IL7: variants seen among roughly 807,000 people sequenced by gnomAD.
IL7 encodes interleukin 7, also known as interleukin-7.
In IL7, 3 loss-of-function variants were observed where a neutral mutation model predicts 21.6. The observed-to-expected ratio is 0.14, with a 90% CI of 0.06 to 0.36. The LOEUF (loss-of-function observed/expected upper bound fraction) is 0.36, where lower values mean the gene tolerates loss of function less well. IL7 is among the 10% of genes least tolerant of loss of function. The pLI is 1.00. For synonymous variants in IL7, 62 were observed against 68.1 expected, an observed-to-expected ratio of 0.91 and a Z score of 0.44; for missense variants, 175 against 200.2, an observed-to-expected ratio of 0.87 and a Z score of 0.76.
chr8:78,801,073 T>C (rs1377632437), intron 1 of IL7, among the ~76,000 whole-genome samples: 3 of 152,228 alleles, frequency 2.0e-5, no homozygotes, highest in Non-Finnish European at 4.4e-5. Flanking sequence ...TTTTGTATAT[T>C]ACACGTACTT....
At chr8:78,762,491 C>T (rs1812602684) in intron 2 of IL7, 1 of 1,363,844 alleles carries the variant, frequency 7.3e-7, no homozygotes, top group Admixed American at 2.8e-5. Flanking sequence ...GGCAGTCCGC[C>T]CGCCCGTCGG....
downstream of IL7, chr8:78,717,503 CAAAA>C: frequency 4.0e-6 from 5 of 1,256,592 alleles, no homozygotes; most frequent in South Asian, 2.0e-5. Context: ...AATAGAATCT[CAAAA>C]AAAAAAAAAA....
intron 3 of IL7, 83 bp from the exon 4 acceptor site, chr8:78,738,718 G>C (rs1811678993): frequency 7.5e-7 from 1 of 1,325,926 alleles, no homozygotes; most frequent in African/African-American, 1.5e-5. Flanking sequence ...CCTAGAGCTT[G>C]AGCTATGTTG....
intron 2 of IL7, among the ~76,000 whole-genome samples, chr8:78,757,107 A>AT (rs1000116233): frequency 1.3e-5 from 2 of 151,010 alleles, no homozygotes; most frequent in East Asian, 1.9e-4. Flanking sequence ...TTTGTTTCAG[A>AT]TTTTTTTTCA....
chr8:78,701,726 C>T (rs767211658), intron 3 of IL7, among the ~76,000 whole-genome samples: 1 of 152,116 alleles, frequency 6.6e-6, no homozygotes, highest in African/African-American at 2.4e-5. Context: ...TATTGAAAAC[C>T]TTTTCGTCAT....
At chr8:78,797,813 T>G (rs11984529) in intron 2 of IL7, 4,416 of 289,376 alleles carry the variant, frequency 0.015, 182 homozygotes, top group African/African-American at 0.088. Context: ...TGAATTATGC[T>G]TACAAGAAAT....
At chr8:78,741,686 T>C (rs1272668636) in intron 2 of IL7, among the ~76,000 whole-genome samples, 5 of 152,218 alleles carry the variant, frequency 3.3e-5, no homozygotes, top group Admixed American at 3.3e-4. Flanking sequence ...AGTTGATTAT[T>C]TTTTACCTAA....
At chr8:78,737,259 G>T (rs1811626267) in intron 4 of IL7, among the ~76,000 whole-genome samples, 1 of 152,086 alleles carries the variant, frequency 6.6e-6, no homozygotes, top group African/African-American at 2.4e-5. Context: ...TGAACCAAGA[G>T]TGGAGGCTTA....
chr8:78,708,766 C>T (rs1251460135), intron 3 of IL7, among the ~76,000 whole-genome samples: 5 of 151,168 alleles, frequency 3.3e-5, no homozygotes, highest in East Asian at 3.9e-4. Context: ...CCGTAACCTC[C>T]GCCTCCTGGA....
At chr8:78,675,184 G>C (rs547757107), downstream of IL7, among the ~76,000 whole-genome samples, 189 of 150,732 alleles carry the variant, frequency 1.3e-3, no homozygotes, top group African/African-American at 4.5e-3. Context: ...ATTTAATTTT[G>C]TTTGTAAGGT....
chr8:78,738,995 G>A (rs1231467384), intron 3 of IL7, among the ~76,000 whole-genome samples: 3 of 152,084 alleles, frequency 2.0e-5, no homozygotes, highest in Non-Finnish European at 4.4e-5. Context: ...TATTATAAGA[G>A]GTATGTGTGG....
chr8:78,753,392 CA>C (rs1302536626), intron 2 of IL7, among the ~76,000 whole-genome samples: 2 of 152,166 alleles, frequency 1.3e-5, no homozygotes, highest in Admixed American at 1.3e-4. Context: ...AGTGTCTGTT[CA>C]TATCCTTTGC....
chr8:78,689,404 G>A (rs200077086), intron 3 of IL7: 368 of 1,526,246 alleles, frequency 2.4e-4, no homozygotes, highest in Non-Finnish European at 2.9e-4. Context: ...TGCTATAAAC[G>A]AGAAAATGGC....
chr8:78,717,641 A>G (rs1811149023), downstream of IL7: 3 of 823,982 alleles, frequency 3.6e-6, no homozygotes, highest in South Asian at 3.9e-5. Flanking sequence ...TTTTGGCTAT[A>G]TAATGTGTGT....
downstream of IL7, chr8:78,715,198 A>G (rs1563641467): frequency 1.2e-6 from 2 of 1,602,838 alleles, no homozygotes; most frequent in South Asian, 1.1e-5. Flanking sequence ...ATACTTTTCC[A>G]TTATTTTTCC....
At chr8:78,727,421 C>T (rs1811357159) in intron 3 of IL7, among the ~76,000 whole-genome samples, 1 of 151,998 alleles carries the variant, frequency 6.6e-6, no homozygotes, top group Admixed American at 6.6e-5. Flanking sequence ...AAGAACATGG[C>T]CACTTAGAAG....
intron 3 of IL7, among the ~76,000 whole-genome samples, chr8:78,709,972 C>T (rs1810903666): frequency 2.0e-5 from 3 of 152,228 alleles, no homozygotes; most frequent in South Asian, 4.1e-4. Flanking sequence ...CTACAAGGTA[C>T]CTAGTAAGCC....
intron 2 of IL7, among the ~76,000 whole-genome samples, chr8:78,791,570 G>C (rs928319518): frequency 1.3e-5 from 2 of 152,118 alleles, no homozygotes; most frequent in African/African-American, 4.8e-5. Context: ...AACCTGGGAG[G>C]TGGAGATTTC....
At chr8:78,726,859 T>A (rs1480304340) in intron 3 of IL7, among the ~76,000 whole-genome samples, 1 of 152,064 alleles carries the variant, frequency 6.6e-6, no homozygotes, top group Non-Finnish European at 1.5e-5. Flanking sequence ...TAGTCATTAA[T>A]TCTAGTTTCT....
Sources: gnomAD v4.1 joint callset for allele counts (sites outside exome capture counted in the v4.1 genomes callset) on GRCh38, gnomAD v4.1.1 for gene constraint, MANE v1.5 for transcripts, NCBI Gene and HGNC (gene_info 2026-07-23, HGNC 2026-07-21) for gene names.